Variants in NXPE2 observed in about 807,000 individuals in gnomAD.
NXPE2 encodes NXPE family member 2.
In NXPE2, 34 loss-of-function variants were observed where a neutral mutation model predicts 34.4. The observed-to-expected ratio is 0.99, with a 90% confidence interval of 0.75 to 1.31. The LOEUF (loss-of-function observed/expected upper bound fraction) is 1.31, where lower values mean the gene tolerates loss of function less well. NXPE2 is among the 40% of genes most tolerant of loss of function. The pLI, the probability that NXPE2 is intolerant of heterozygous loss-of-function variation, is 0.00. For synonymous variants in NXPE2, 235 were observed against 231.3 expected, an observed-to-expected ratio of 1.02 and a Z score of -0.15; for missense variants, 649 against 672.5, an observed-to-expected ratio of 0.97 and a Z score of 0.39.
At chr11:114,475,944 G>A in the NXPE2 span, among the ~76,000 whole-genome samples, 1 of 152,188 alleles carries the variant, frequency 6.6e-6, no homozygotes, top group Non-Finnish European at 1.5e-5. Context: ...GACTTGGGAA[G>A]AAATGATGTG....
chr11:114,498,324 C>CA, the NXPE2 span, among the ~76,000 whole-genome samples: 6 of 151,772 alleles, frequency 4.0e-5, no homozygotes, highest in Admixed American at 3.9e-4. Context: ...GTTTCTAACA[C>CA]AAAAAAATGA....
At chr11:114,718,893 G>A in the NXPE2 span, among the ~76,000 whole-genome samples, 1 of 152,094 alleles carries the variant, frequency 6.6e-6, no homozygotes, top group African/African-American at 2.4e-5. Flanking sequence ...CAAAGTAATG[G>A]TATTAAGAAA....
the NXPE2 span, among the ~76,000 whole-genome samples, chr11:114,650,556 C>T: frequency 6.7e-6 from 1 of 150,168 alleles, no homozygotes. Context: ...GTACTGTTCT[C>T]CTTCCCCAGG....
chr11:114,518,350 A>T, the NXPE2 span: 1 of 152,242 alleles, frequency 6.6e-6, no homozygotes, highest in African/African-American at 2.4e-5. Context: ...GCTGTAAAAC[A>T]TGCCTAGATA....
rs1951465475 is a variant in NXPE2 at position 114,705,981 on chromosome 11, C to G, written c.1129C>G (p.Gln377Glu). Residue 377 changes from glutamine to glutamate, a missense_variant, in exon 5 of 6, where the codon CAA becomes GAA. Gln to Glu is a conservative substitution (Grantham distance 29). Coordinates refer to ENST00000389586, the MANE Select transcript of NXPE2 (RefSeq NM_182495.6). ...ACTGCATCAGTGGATTTACTACTTA[C>G]AAAAAGCTGTGAAAAGTATGTATTT... ...STLHQWIYYL[Q>E]KAVKTLKYFD... 7.2e-7 allele frequency: 1 copy of G among 1,395,850 alleles called. No homozygotes were observed. Among genetic ancestry groups the G allele is most frequent in the Non-Finnish European group, 9.4e-7 (1 of 1,067,924 alleles). 86.5% of individuals were successfully genotyped at this position (1,395,850 alleles called of 1,614,324 possible). A position where few individuals can be genotyped will look rare whatever the true frequency, so the allele number is the denominator to read the frequency against.
the NXPE2 span, among the ~76,000 whole-genome samples, chr11:114,651,898 T>C: frequency 6.6e-6 from 1 of 152,086 alleles, no homozygotes. Context: ...CTCTCAATAA[T>C]AGCAAAACAG....
chr11:114,803,707 G>C, the NXPE2 span, among the ~76,000 whole-genome samples: 4 of 152,022 alleles, frequency 2.6e-5, no homozygotes, highest in African/African-American at 9.7e-5. Context: ...CTCCCGAGTA[G>C]CTGGGACTAC....
the NXPE2 span, among the ~76,000 whole-genome samples, chr11:114,525,770 G>T: frequency 6.6e-6 from 1 of 152,156 alleles, no homozygotes; most frequent in East Asian, 1.9e-4. Flanking sequence ...GCACCATTTA[G>T]TGAAGTGTAT....
the NXPE2 span, among the ~76,000 whole-genome samples, chr11:114,527,674 A>C: frequency 6.6e-6 from 1 of 152,192 alleles, no homozygotes; most frequent in African/African-American, 2.4e-5. Flanking sequence ...TCCTATAAAC[A>C]TTTTGAAATC....
the NXPE2 span, among the ~76,000 whole-genome samples, chr11:114,480,549 A>G: frequency 2.6e-5 from 4 of 152,176 alleles, no homozygotes; most frequent in African/African-American, 9.7e-5. Context: ...ATGGAGAGCA[A>G]TGAGCTCTGA....
chr11:114,740,972 A>G, the NXPE2 span, among the ~76,000 whole-genome samples: 2 of 152,160 alleles, frequency 1.3e-5, no homozygotes, highest in African/African-American at 4.8e-5. Context: ...TCTCATATAA[A>G]TATATCTGTT....
the NXPE2 span, among the ~76,000 whole-genome samples, chr11:114,502,841 A>G: frequency 6.6e-6 from 1 of 152,170 alleles, no homozygotes; most frequent in Non-Finnish European, 1.5e-5. Context: ...AGAATTCAGA[A>G]AGAGTTTGAT....
the NXPE2 span, among the ~76,000 whole-genome samples, chr11:114,750,916 CG>C: frequency 6.6e-6 from 1 of 152,054 alleles, no homozygotes. Context: ...AATGATTCAA[CG>C]TTTCAGTGCC....
At chr11:114,743,675 G>A in the NXPE2 span, among the ~76,000 whole-genome samples, 6 of 151,900 alleles carry the variant, frequency 3.9e-5, no homozygotes, top group Non-Finnish European at 7.4e-5. Context: ...AATAAATAGC[G>A]GAAGTGGGAA....
chr11:114,754,790 C>G, the NXPE2 span, among the ~76,000 whole-genome samples: 1 of 152,106 alleles, frequency 6.6e-6, no homozygotes, highest in Admixed American at 6.5e-5. Flanking sequence ...GACCTGGAGG[C>G]CTTCTGCAAT....
At chr11:114,540,885 T>TTTTTTTTTTTTTG in the NXPE2 span, among the ~76,000 whole-genome samples, 5 of 81,242 alleles carry the variant, frequency 6.2e-5, no homozygotes, top group Non-Finnish European at 7.4e-5. Flanking sequence ...TTTTTTTTTT[T>TTTTTTTTTTTTTG]GGCTTGAACA....
At chr11:114,757,601 G>T in the NXPE2 span, among the ~76,000 whole-genome samples, 3 of 152,186 alleles carry the variant, frequency 2.0e-5, no homozygotes, top group East Asian at 5.8e-4. Context: ...GGAAAGGCCA[G>T]CCTTGTTCTA....
At chr11:114,514,000 C>T in the NXPE2 span, among the ~76,000 whole-genome samples, 1 of 152,172 alleles carries the variant, frequency 6.6e-6, no homozygotes, top group Non-Finnish European at 1.5e-5. Context: ...AGTTTTACTT[C>T]CCAAATTAAT....
chr11:114,636,425 GTTAA>G, the NXPE2 span, among the ~76,000 whole-genome samples: 7 of 151,894 alleles, frequency 4.6e-5, no homozygotes, highest in African/African-American at 7.3e-5. Flanking sequence ...TCCTGGATTC[GTTAA>G]TTGTTTGAAG....
Sources: gnomAD v4.1 joint callset for allele counts (sites outside exome capture counted in the v4.1 genomes callset) on GRCh38, gnomAD v4.1.1 for gene constraint, MANE v1.5 for transcripts, NCBI Gene and HGNC (gene_info 2026-07-23, HGNC 2026-07-21) for gene names.